The following CADM4 variants were observed in gnomAD, a reference collection of about 807,000 sequenced individuals.
CADM4 encodes TSLC1-like 2.
A neutral mutation model predicts 43.9 loss-of-function variants in CADM4; 13 were observed. The ratio of observed to expected loss-of-function variants is 0.30; its 90% confidence interval spans 0.19 to 0.47. The LOEUF is 0.47. Among genes scored for constraint, CADM4 ranks in the 20% least tolerant of loss-of-function variants. CADM4 has a pLI of 1.00. For synonymous variants in CADM4, 209 were observed against 220.9 expected (o/e 0.95, Z 0.48); for missense variants, 420 against 527.0 (o/e 0.80, Z 1.99).
intron 1 of CADM4, among the ~76,000 whole-genome samples, chr19:43,635,840 A>G (rs1337331718): frequency 9.6e-6 from 1 of 104,358 alleles, no homozygotes; most frequent in Non-Finnish European, 1.9e-5. Flanking sequence ...CCTCCCTCAG[A>G]CTCAGGAGTC....
At chr19:43,632,517 A>C (rs757033430) in intron 1 of CADM4, among the ~76,000 whole-genome samples, 40 of 152,142 alleles carry the variant, frequency 2.6e-4, no homozygotes, top group Non-Finnish European at 4.7e-4. Context: ...CGGGGACTTC[A>C]AGGTGCTATA....
At chr19:43,636,349 T>C (rs1973703747) in intron 1 of CADM4, among the ~76,000 whole-genome samples, 1 of 152,112 alleles carries the variant, frequency 6.6e-6, no homozygotes, top group Admixed American at 6.5e-5. Context: ...GAGGAATTCC[T>C]GCTCCGGGAA....
At chr19:43,624,347 C>T in intron 7 of CADM4, 105 bp from the exon 8 acceptor site, 1 of 1,398,088 alleles carries the variant, frequency 7.2e-7, no homozygotes, top group Non-Finnish European at 9.8e-7. Flanking sequence ...TAACCGTGCC[C>T]TTTTATGTGC....
intron 1 of CADM4, among the ~76,000 whole-genome samples, chr19:43,628,434 C>CA (rs35900635): frequency 0.17 from 23,215 of 134,346 alleles, 1,944 homozygotes; most frequent in East Asian, 0.23. Flanking sequence ...GACTCTGTCT[C>CA]AAAAAAAAAA....
At position 43,623,106 on chromosome 19, in the gene CADM4, CCCCTGCCCCCTGGGGGA is replaced by C. The variant is rs1390368131; in HGVS notation, c.*207_*223del. On this transcript the variant is annotated 3_prime_UTR_variant, in exon 9 of 9. Transcript: ENST00000222374. The surrounding 1 kb of genome is among the most constrained non-coding windows in gnomAD (Gnocchi z 4.4). ...GGACTTGGGGGGTCTGGACCTTTGG[CCCCTGCCCCCTGGGGGA>C]CCCAGACCTCTGGGCCCTCACTTCT... 63 of 545,448 alleles carry C rather than the reference CCCCTGCCCCCTGGGGGA, an allele frequency of 1.2e-4. 1 individual carries two copies. The highest frequency in any genetic ancestry group is 5.3e-4 in the South Asian group (25 of 47,356). The allele number at this position is 545,448 out of a possible 1,614,324, so 33.8% of individuals were successfully genotyped here.
In CADM4 at chr19:43,627,587, C is replaced by T. The variant is rs1004668799; in HGVS notation, c.211+57G>A. 2 of 1,560,954 alleles carry T rather than the reference C, an allele frequency of 1.3e-6. No homozygotes were observed. The highest frequency in any genetic ancestry group is 2.7e-5 in the African/African-American group (2 of 73,808). Reference sequence around the variant, plus strand: ...TGTGTCCTCTTTCAGGACATGGGAGCCTGGGCCCCAGCCCTCTCTTCCTTT... The same window carrying T: ...TGTGTCCTCTTTCAGGACATGGGAGTCTGGGCCCCAGCCCTCTCTTCCTTT... On this transcript the variant is annotated intron_variant, in intron 2 of 8. Coordinates refer to ENST00000222374, the MANE Select transcript of CADM4 (RefSeq NM_145296.2). The surrounding 1 kb of genome is among the most constrained non-coding windows in gnomAD (Gnocchi z 4.0).
chr19:43,631,355 A>G (rs1272975110), intron 1 of CADM4, among the ~76,000 whole-genome samples: 1 of 152,028 alleles, frequency 6.6e-6, no homozygotes, highest in African/African-American at 2.4e-5. Context: ...AAGAAAAAAA[A>G]AAAAGAAATA....
In CADM4 at chr19:43,627,031, G is replaced by T. The variant is rs536224452; in HGVS notation, c.365-113C>A. ...GGGAACCAGGGTCCCAGGTGGCAGGGGTCAAAGGGGAGAGGTCAGGAGCCA... is the reference window on the plus strand; with the variant it reads ...GGGAACCAGGGTCCCAGGTGGCAGGTGTCAAAGGGGAGAGGTCAGGAGCCA... On this transcript the variant is annotated intron_variant, in intron 3 of 8. Transcript: ENST00000222374. The surrounding 1 kb of genome is among the most constrained non-coding windows in gnomAD (Gnocchi z 4.0). 2 of 1,485,754 alleles carry T rather than the reference G, an allele frequency of 1.3e-6. No individual in the cohort carries two copies. Among genetic ancestry groups the T allele is most frequent in the African/African-American group, 2.8e-5 (2 of 71,102 alleles). The allele number at this position is 1,485,754 out of a possible 1,614,324, so 92.0% of individuals were successfully genotyped here.
Position 43,625,819 on chromosome 19 carries a change from C to T in CADM4, c.755+92G>A, listed in dbSNP as rs955090425. On this transcript the variant is annotated intron_variant, in intron 6 of 8. Transcript: ENST00000222374. The surrounding 1 kb of genome is among the most constrained non-coding windows in gnomAD (Gnocchi z 4.5). ...TTGTCCAGGTCCTCAGCTCTCTCCTCCTTAGGACCCAGGAGTCCAAGTCCC... is the reference window on the plus strand; with the variant it reads ...TTGTCCAGGTCCTCAGCTCTCTCCTTCTTAGGACCCAGGAGTCCAAGTCCC... The T allele has an allele frequency of 6.5e-6, 7 of 1,085,012 alleles. No homozygotes were observed. In the African/African-American group the frequency reaches 1.1e-4, roughly 17 times the overall value. 67.2% of individuals were successfully genotyped at this position (1,085,012 alleles called of 1,614,324 possible).
At chr19:43,641,056 C>T (rs2146169107), upstream of CADM4, among the ~76,000 whole-genome samples, 1 of 151,500 alleles carries the variant, frequency 6.6e-6, no homozygotes, top group Non-Finnish European at 1.5e-5. Context: ...GCAACCTCTG[C>T]CTCCCAGGTT....
At chr19:43,632,511 G>T (rs1192977992) in intron 1 of CADM4, among the ~76,000 whole-genome samples, 1 of 152,132 alleles carries the variant, frequency 6.6e-6, no homozygotes, top group Non-Finnish European at 1.5e-5. Flanking sequence ...CCTTCCCGGG[G>T]ACTTCAAGGT....
In CADM4 at chr19:43,627,593, C is replaced by T; in HGVS notation, c.211+51G>A. ...CTCTTTCAGGACATGGGAGCCTGGGCCCCAGCCCTCTCTTCCTTTAAGACT... is the reference window on the plus strand; with the variant it reads ...CTCTTTCAGGACATGGGAGCCTGGGTCCCAGCCCTCTCTTCCTTTAAGACT... On this transcript the variant is annotated intron_variant, in intron 2 of 8. Transcript: ENST00000222374. The surrounding 1 kb of genome is among the most constrained non-coding windows in gnomAD (Gnocchi z 4.0). 1 of 1,571,166 alleles carries T rather than the reference C, an allele frequency of 6.4e-7. No homozygotes were observed. Among genetic ancestry groups the T allele is most frequent in the Non-Finnish European group, 8.7e-7 (1 of 1,148,400 alleles).
Position 43,627,885 on chromosome 19 carries a change from C to T in CADM4, c.65-95G>A, listed in dbSNP as rs1973556074. 3 of 1,229,762 alleles carry T rather than the reference C, an allele frequency of 2.4e-6. No homozygotes were observed. Among genetic ancestry groups the T allele is most frequent in the Non-Finnish European group, 3.5e-6 (3 of 857,366 alleles). The allele number at this position is 1,229,762 out of a possible 1,614,324, so 76.2% of individuals were successfully genotyped here. A position where few individuals can be genotyped will look rare whatever the true frequency, so the allele number is the denominator to read the frequency against. Reference sequence around the variant, plus strand: ...CTCTTCCCCATCCAAACCTCCAATCCCTCTCTTTCCCCTCATTCATTCCAT... The same window carrying T: ...CTCTTCCCCATCCAAACCTCCAATCTCTCTCTTTCCCCTCATTCATTCCAT... On this transcript the variant is annotated intron_variant, in intron 1 of 8. Transcript: ENST00000222374. This position sits in a 1 kb window ranked among gnomAD's most constrained non-coding sequence, Gnocchi z 4.0.
At chr19:43,630,281 C>CTTTTTTTTTTTTTTTTTTTTTTTTTTTT (rs59489315) in intron 1 of CADM4, among the ~76,000 whole-genome samples, 1 of 73,442 alleles carries the variant, frequency 1.4e-5, no homozygotes, top group Non-Finnish European at 2.4e-5. Context: ...TTTTTCTTTT[C>CTTTTTTTTTTTTTTTTTTTTTTTTTTTT]TTTTTTTTTT....
rs796823158 is a variant in CADM4, at chr19:43,624,042, TG to T, written c.1057+71del. On this transcript the variant is annotated intron_variant, in intron 8 of 8. Transcript: ENST00000222374. ...CCTAGGCTCCGCCCTCTCGTTACCCTGGCTCTAGGCCCCGCCTCTTTCCGAG... is the reference window on the plus strand; with the variant it reads ...CCTAGGCTCCGCCCTCTCGTTACCCTGCTCTAGGCCCCGCCTCTTTCCGAG... 535 of 1,576,050 alleles carry T rather than the reference TG, an allele frequency of 3.4e-4. No individual in the cohort carries two copies. The African/African-American group carries it at 6.6e-3, about 19-fold the overall frequency.
chr19:43,623,671 C>G lies in CADM4; in HGVS notation c.1058-232G>C, dbSNP rs537828419. Among the ~76,000 whole-genome samples, 10 of 152,308 alleles carry G rather than the reference C, an allele frequency of 6.6e-5. No individual in the cohort carries two copies. Among genetic ancestry groups the G allele is most frequent in the African/African-American group, 2.4e-4 (10 of 41,556 alleles). On this transcript the variant is annotated intron_variant, in intron 8 of 8. Coordinates refer to ENST00000222374, the MANE Select transcript of CADM4 (RefSeq NM_145296.2). This position sits in a 1 kb window ranked among gnomAD's most constrained non-coding sequence, Gnocchi z 4.4. ...ACCGAAAGTGCCACCCTTATCCTTT[C>G]TCTTGGAGGTATTTCCTTGCCCTGC...
At position 43,626,059 on chromosome 19, in the gene CADM4, G is replaced by T. The variant is rs1301774907; in HGVS notation, c.665-58C>A. ...TCCAAGCCATCACGCAGGACAAGGG[G>T]GACCCTCGCGGGTGCGGGTGGCTGG... is the stretch of plus-strand genomic sequence containing the variant. On this transcript the variant is annotated intron_variant, in intron 5 of 8. Transcript: ENST00000222374. This position sits in a 1 kb window ranked among gnomAD's most constrained non-coding sequence, Gnocchi z 5.9. 6.2e-7 allele frequency: 1 copy of T among 1,612,210 alleles called. No homozygotes were observed.
intron 1 of CADM4, among the ~76,000 whole-genome samples, chr19:43,633,263 A>T (rs1321674071): frequency 1.3e-5 from 2 of 152,008 alleles, no homozygotes; most frequent in African/African-American, 4.8e-5. Flanking sequence ...TTGTGGAGAC[A>T]CAGATTCTCC....
At chr19:43,630,180 C>T (rs1345901017) in intron 1 of CADM4, among the ~76,000 whole-genome samples, 1 of 151,806 alleles carries the variant, frequency 6.6e-6, no homozygotes, top group Non-Finnish European at 1.5e-5. Flanking sequence ...GCTGGGATTA[C>T]AGGCATGAGC....
Sources: gnomAD v4.1 joint callset for allele counts (sites outside exome capture counted in the v4.1 genomes callset) on GRCh38, gnomAD v4.1.1 for gene constraint, Gnocchi (gnomAD v3.1) non-coding constraint, MANE v1.5 for transcripts, NCBI Gene and HGNC (gene_info 2026-07-23, HGNC 2026-07-21) for gene names.